TET3: variants seen among roughly 807,000 people sequenced by gnomAD.
TET3 encodes tet methylcytosine dioxygenase 3.
Under a neutral mutation model 141.4 loss-of-function variants are expected in TET3, and 19 were observed. That is an observed-to-expected ratio of 0.13 (90% CI 0.09 to 0.20). The LOEUF is 0.20. Ranked by LOEUF, TET3 falls within the 10% of genes least tolerant of loss-of-function variation. The probability of loss-of-function intolerance (pLI) is 1.00; values close to 1 mark genes in which losing one functional copy is unlikely to be tolerated. For synonymous variants in TET3, 1,043 were observed against 980.9 expected, an observed-to-expected ratio of 1.06 and a Z score of -1.18; for missense variants, 1,874 against 2,356.9, an observed-to-expected ratio of 0.80 and a Z score of 4.24.
intron 6 of TET3, among the ~76,000 whole-genome samples, chr2:74,081,544 C>T (rs565620355): frequency 3.3e-4 from 50 of 152,244 alleles, no homozygotes; most frequent in Admixed American, 9.8e-4. Context: ...AATACTGGCC[C>T]GTTACTAGTC....
chr2:74,094,562 G>C (rs897905859), intron 10 of TET3, among the ~76,000 whole-genome samples: 1 of 152,316 alleles, frequency 6.6e-6, no homozygotes, highest in East Asian at 1.9e-4. Context: ...GTGTGATGGT[G>C]GGGGCAGAGT....
At chr2:74,020,555 C>T (rs999590194) in intron 3 of TET3, among the ~76,000 whole-genome samples, 6 of 152,210 alleles carry the variant, frequency 3.9e-5, no homozygotes, top group African/African-American at 1.4e-4. Context: ...CTGTCTGGGG[C>T]ATGCCAATTC....
the TET3 span, among the ~76,000 whole-genome samples, chr2:74,133,581 TCA>T: frequency 6.6e-6 from 1 of 152,184 alleles, no homozygotes; most frequent in Non-Finnish European, 1.5e-5. Flanking sequence ...GTAAAAGGCC[TCA>T]GTTTCTCACC....
chr2:74,115,566 T>C, the TET3 span, among the ~76,000 whole-genome samples: 11 of 152,196 alleles, frequency 7.2e-5, no homozygotes, highest in East Asian at 2.1e-3. Flanking sequence ...CCTAAAACTG[T>C]TGAAATATTT....
At chr2:74,092,431 T>C (rs1054813949) in intron 8 of TET3, among the ~76,000 whole-genome samples, 1 of 151,902 alleles carries the variant, frequency 6.6e-6, no homozygotes, top group African/African-American at 2.4e-5. Flanking sequence ...TGACAGGCTC[T>C]GGGCTGGGCT....
At chr2:74,020,829 C>T (rs1166964709) in intron 3 of TET3, among the ~76,000 whole-genome samples, 2 of 152,186 alleles carry the variant, frequency 1.3e-5, no homozygotes, top group Non-Finnish European at 2.9e-5. Context: ...TTTCTAATCC[C>T]TCTCTAGCAG....
chr2:74,017,794 G>GT (rs1160940869), intron 3 of TET3, among the ~76,000 whole-genome samples: 2 of 151,950 alleles, frequency 1.3e-5, no homozygotes, highest in Non-Finnish European at 2.9e-5. Context: ...TCTAGTTTTA[G>GT]TTTTTTTGAG....
At chr2:73,988,989 A>AATTTTT (rs1558689017) in intron 2 of TET3, among the ~76,000 whole-genome samples, 3 of 128,882 alleles carry the variant, frequency 2.3e-5, no homozygotes, top group East Asian at 2.4e-4. Context: ...AAAAAAAAAA[A>AATTTTT]GTTTTTTTTG....
At chr2:74,058,317 G>C (rs1688320315) in intron 4 of TET3, among the ~76,000 whole-genome samples, 1 of 152,178 alleles carries the variant, frequency 6.6e-6, no homozygotes, top group Non-Finnish European at 1.5e-5. Flanking sequence ...GATTCATTCT[G>C]GTGGGAATCT....
At chr2:74,080,391 G>A (rs1005906821) in intron 5 of TET3, 107 bp from the exon 6 acceptor site, 14 of 952,818 alleles carry the variant, frequency 1.5e-5, no homozygotes, top group Admixed American at 2.1e-5. Context: ...TGCCCCCGAC[G>A]GTAACCAGAA....
chr2:74,052,105 G>A lies in TET3; in HGVS notation c.2494+3694G>A, dbSNP rs190974003. ...AGCAGTTCTCATGCCTCGACCTCCC[G>A]AGTAGCTGGGATTACAGGCACCCAC... On this transcript the variant is annotated intron_variant, in intron 4 of 11. Transcript: ENST00000409262. 1.2e-3 allele frequency among the ~76,000 whole-genome samples: 188 copies of A among 152,220 alleles called. 1 individual carries two copies. The highest frequency in any genetic ancestry group is 4.2e-3 in the African/African-American group (175 of 41,532).
chr2:74,021,456 C>G (rs1201497400), intron 3 of TET3, among the ~76,000 whole-genome samples: 3 of 152,270 alleles, frequency 2.0e-5, no homozygotes, highest in African/African-American at 7.2e-5. Context: ...AGCATCAGCA[C>G]TGACCACTGA....
rs751921785 is a variant in TET3 at position 74,099,449 on chromosome 2, C to T, written c.3441C>T (p.Arg1147=). ...GAIQVLTAFP[R]EVRRLPEPAK... is the part of the protein sequence containing the mutation. ...TCCAGGTGCTCACCGCCTTCCCCCG[C>T]GAGGTCCGACGCCTGCCCGAGCCTG... Residue 1147 remains arginine (R), a synonymous_variant, in exon 11 of 12, where the codon CGC becomes CGT. Transcript: ENST00000409262. The T allele has an allele frequency of 5.0e-6, 8 of 1,613,766 alleles. No homozygotes were observed. The highest frequency in any genetic ancestry group is 2.2e-5 in the East Asian group (1 of 44,886).
rs771587502 is a variant in TET3, at chr2:74,087,743, T to TGG, written c.2680-85_2680-84dup. 1.9e-5 allele frequency: 26 copies of TGG among 1,354,040 alleles called. No homozygotes were observed. The highest frequency in any genetic ancestry group is 2.6e-5 in the Non-Finnish European group (26 of 1,004,264). 83.9% of individuals were successfully genotyped at this position (1,354,040 alleles called of 1,614,324 possible). On this transcript the variant is annotated intron_variant, in intron 6 of 11. Transcript: ENST00000409262. The surrounding 1 kb of genome is among the most constrained non-coding windows in gnomAD (Gnocchi z 4.3). ...AACCCTGCCGTTAAGACCTGCACCC[T>TGG]GGGTCTGTGTGACAAAGGGAGGGGT...
chr2:74,086,465 G>A (rs561979198), intron 6 of TET3, among the ~76,000 whole-genome samples: 1 of 152,136 alleles, frequency 6.6e-6, no homozygotes, highest in South Asian at 2.1e-4. Context: ...ATGGTTTTTG[G>A]TGTAGTACAT....
chr2:74,101,010 G>A lies in TET3; in HGVS notation c.4222G>A (p.Glu1408Lys), dbSNP rs1317540062. ...GCCAGTAGACCCGCTGACCCAGGCT[G>A]AGCCTGTGCCCAGAGACGCTGGCAA... ...QEPVDPLTQA[E>K]PVPRDAGKMG... The change falls in exon 12 of 12, where the codon GAG (glutamate) becomes AAG (lysine). Residue 1408 changes from glutamate (E) to lysine (K), a missense_variant. This residue lies in a region of TET3 where 602 missense variants were observed against 590.2 expected (regional missense o/e 1.02). Coordinates refer to ENST00000409262, the MANE Select transcript of TET3 (RefSeq NM_001287491.2). The surrounding 1 kb of genome is among the most constrained non-coding windows in gnomAD (Gnocchi z 8.5). The A allele has an allele frequency of 5.6e-6, 9 of 1,613,132 alleles. No individual in the cohort carries two copies. Among genetic ancestry groups the A allele is most frequent in the Admixed American group, 1.7e-5 (1 of 59,858 alleles).
At chr2:74,083,948 T>C (rs1227221459) in intron 6 of TET3, among the ~76,000 whole-genome samples, 2 of 152,166 alleles carry the variant, frequency 1.3e-5, no homozygotes, top group Non-Finnish European at 2.9e-5. Flanking sequence ...CATGGCCTTA[T>C]CAGTGTCCAC....
In TET3 at chr2:74,100,711, ACAGTGGCAG is replaced by A; in HGVS notation, c.3933_3941del (p.Ser1312_Ser1314del). The stretch of plus-strand genomic sequence containing the variant: ...TTCCTGGGTCCTGGTGCCTGGGGGC[ACAGTGGCAG>A]CAGTGGCAGTTTTGAGAAGAAGCCA... On this transcript the variant is annotated inframe_deletion, in exon 12 of 12. Coordinates refer to ENST00000409262, the MANE Select transcript of TET3 (RefSeq NM_001287491.2). 3 of 1,613,968 alleles carry A rather than the reference ACAGTGGCAG, an allele frequency of 1.9e-6. No individual in the cohort carries two copies. The highest frequency in any genetic ancestry group is 2.5e-6 in the Non-Finnish European group (3 of 1,179,878).
intron 3 of TET3, among the ~76,000 whole-genome samples, chr2:74,012,533 T>G (rs1417192964): frequency 6.6e-6 from 1 of 152,166 alleles, no homozygotes; most frequent in Non-Finnish European, 1.5e-5. Context: ...GAAACTGAGA[T>G]TCAGTCCAGG....
Sources: gnomAD v4.1 joint callset for allele counts (sites outside exome capture counted in the v4.1 genomes callset) on GRCh38, gnomAD v4.1.1 for gene constraint, gnomAD v4.1.1 regional missense constraint, Gnocchi (gnomAD v3.1) non-coding constraint, MANE v1.5 for transcripts, NCBI Gene and HGNC (gene_info 2026-07-23, HGNC 2026-07-21) for gene names.